Variants in PLEKHH2 observed in about 807,000 individuals in gnomAD.
PLEKHH2 encodes the protein pleckstrin homology, MyTH4 and FERM domain containing H2.
Under a neutral mutation model 187.9 loss-of-function variants are expected in PLEKHH2, and 129 were observed. That is an observed-to-expected ratio of 0.69 (90% CI 0.59 to 0.79). The LOEUF (loss-of-function observed/expected upper bound fraction) is 0.79. PLEKHH2 is among the 30% of genes least tolerant of loss of function. The pLI is 0.00. For missense variants in PLEKHH2, 2,076 were observed against 1,751.2 expected, an observed-to-expected ratio of 1.19 and a Z score of -3.31; for synonymous variants, 686 against 605.6, an observed-to-expected ratio of 1.13 and a Z score of -1.95.
chr2:43,691,282 G>A (rs72870501), intron 3 of PLEKHH2, among the ~76,000 whole-genome samples: 65 of 152,334 alleles, frequency 4.3e-4, no homozygotes, highest in African/African-American at 1.5e-3. Context: ...AGCTTTTAGC[G>A]GAGAGGGGAT....
intron 16 of PLEKHH2, among the ~76,000 whole-genome samples, chr2:43,725,076 A>C (rs1156594821): frequency 6.6e-6 from 1 of 152,184 alleles, no homozygotes; most frequent in Non-Finnish European, 1.5e-5. Context: ...GTTTTTATAA[A>C]TGGGCTAGCG....
chr2:43,713,099 A>AACACACACACACAAACACAC (rs1553342253), intron 15 of PLEKHH2, among the ~76,000 whole-genome samples: 1 of 150,676 alleles, frequency 6.6e-6, no homozygotes, highest in African/African-American at 2.4e-5. Context: ...ATATCAAATC[A>AACACACACACACAAACACAC]ACACACACAC....
chr2:43,708,501 G>C (rs957676055), intron 11 of PLEKHH2, among the ~76,000 whole-genome samples: 2 of 152,124 alleles, frequency 1.3e-5, no homozygotes. Flanking sequence ...TTCTCAATGA[G>C]GTCCACCCTG....
chr2:43,751,468 A>T (rs1297642755), intron 24 of PLEKHH2, among the ~76,000 whole-genome samples: 1 of 152,208 alleles, frequency 6.6e-6, no homozygotes, highest in African/African-American at 2.4e-5. Flanking sequence ...ATGAATATGG[A>T]TCCAGTTGAG....
chr2:43,659,522 G>T (rs977324251), intron 2 of PLEKHH2, among the ~76,000 whole-genome samples: 1 of 150,046 alleles, frequency 6.7e-6, no homozygotes, highest in Admixed American at 6.6e-5. Flanking sequence ...ATTGTTATCT[G>T]TCTTTCTTAG....
chr2:43,685,490 C>T (rs1309049673), intron 3 of PLEKHH2, among the ~76,000 whole-genome samples: 2 of 151,946 alleles, frequency 1.3e-5, no homozygotes, highest in South Asian at 2.1e-4. Flanking sequence ...TGCAGTGATG[C>T]GATCTCAGCT....
At chr2:43,711,234 G>A in intron 14 of PLEKHH2, 1 of 985,460 alleles carries the variant, frequency 1.0e-6, no homozygotes, top group Non-Finnish European at 1.2e-6. Flanking sequence ...CTCCTTTGGA[G>A]GGTGGAGGAC....
chr2:43,709,766 G>A (rs1031350774), intron 11 of PLEKHH2, among the ~76,000 whole-genome samples: 23 of 152,206 alleles, frequency 1.5e-4, no homozygotes, highest in African/African-American at 5.3e-4. Context: ...AACCCAGGAG[G>A]CAGAGGTTGC....
intron 22 of PLEKHH2, 55 bp downstream of exon 22, chr2:43,742,973 T>A: frequency 7.5e-7 from 1 of 1,331,174 alleles, no homozygotes; most frequent in Non-Finnish European, 9.9e-7. Context: ...CAACCTCTGT[T>A]ATAGGGAACA....
chr2:43,688,687 C>T (rs572141168), intron 3 of PLEKHH2, among the ~76,000 whole-genome samples: 5 of 152,156 alleles, frequency 3.3e-5, no homozygotes, highest in African/African-American at 9.6e-5. Context: ...TCATGGTCAC[C>T]GTTTATTACA....
chr2:43,727,392 C>T (rs1215291438), intron 17 of PLEKHH2, among the ~76,000 whole-genome samples: 1 of 117,220 alleles, frequency 8.5e-6, no homozygotes, highest in African/African-American at 3.9e-5. Context: ...AGCCTGGCGA[C>T]AGAGCGAGAC....
At position 43,700,514 on chromosome 2, in the gene PLEKHH2, C is replaced by T; in HGVS notation, c.1556C>T (p.Ser519Phe). Residue 519 changes from serine (S) to phenylalanine (F), a missense_variant, in exon 8 of 30, where the codon TCT (serine) becomes TTT (phenylalanine). By Grantham distance (155) the Ser-to-Phe change is radical. Transcript: ENST00000282406. The part of the protein sequence containing the change: ...DGLFSYDSLD[S>F]PNSDDQEHCD... ...TTATTTTCCTATGACTCCTTGGACT[C>T]TCCAAATTCAGATGACCAGGAACAC... 2 of 1,614,030 alleles carry T rather than the reference C, an allele frequency of 1.2e-6. No individual in the cohort carries two copies. Among genetic ancestry groups the T allele is most frequent in the Non-Finnish European group, 1.7e-6 (2 of 1,180,012 alleles).
At chr2:43,647,022 T>C (rs535886773) in intron 2 of PLEKHH2, among the ~76,000 whole-genome samples, 21 of 152,216 alleles carry the variant, frequency 1.4e-4, no homozygotes, top group Non-Finnish European at 2.9e-4. Flanking sequence ...ATTATGAATA[T>C]TTTTCTCAGG....
chr2:43,698,387 A>G (rs933145848), intron 7 of PLEKHH2, among the ~76,000 whole-genome samples: 2 of 151,988 alleles, frequency 1.3e-5, no homozygotes, highest in African/African-American at 2.4e-5. Flanking sequence ...AGCCAGGACT[A>G]TAGACACATG....
chr2:43,692,433 ATATTAAG>A, intron 3 of PLEKHH2, 74 bp from the exon 4 acceptor site: 1 of 1,158,098 alleles, frequency 8.6e-7, no homozygotes. Flanking sequence ...AATCTACATA[ATATTAAG>A]GTAAAATTCT....
chr2:43,732,839 T>C (rs1671109404), intron 19 of PLEKHH2, among the ~76,000 whole-genome samples: 1 of 152,210 alleles, frequency 6.6e-6, no homozygotes, highest in Non-Finnish European at 1.5e-5. Flanking sequence ...TGCTATGTTT[T>C]CTGCTGCCAG....
intron 2 of PLEKHH2, among the ~76,000 whole-genome samples, chr2:43,671,551 A>C (rs971323486): frequency 1.3e-5 from 2 of 152,342 alleles, no homozygotes. Flanking sequence ...TGTGGAGGAA[A>C]GCATTCAGGC....
At chr2:43,658,900 C>G (rs1239876252) in intron 2 of PLEKHH2, 1 of 151,860 alleles carries the variant, frequency 6.6e-6, no homozygotes, top group Admixed American at 6.6e-5. Flanking sequence ...TAGAGGCTGG[C>G]TACTGAACCA....
intron 2 of PLEKHH2, among the ~76,000 whole-genome samples, chr2:43,652,731 A>T (rs1465107072): frequency 1.3e-5 from 2 of 152,230 alleles, no homozygotes; most frequent in Non-Finnish European, 2.9e-5. Flanking sequence ...CCTACGTATC[A>T]CATCATGGAT....
Sources: allele counts gnomAD v4.1 joint callset (sites outside exome capture counted in the v4.1 genomes callset), GRCh38; gene constraint gnomAD v4.1.1; transcripts MANE v1.5; gene names NCBI Gene and HGNC (gene_info 2026-07-23, HGNC 2026-07-21).